DPP10: variants seen among roughly 807,000 people sequenced by gnomAD.
DPP10 encodes inactive dipeptidyl peptidase 10.
Under a neutral mutation model 120.9 loss-of-function variants are expected in DPP10, and 33 were observed. The ratio of observed to expected loss-of-function variants is 0.27; its 90% CI spans 0.21 to 0.37. The LOEUF is 0.37. Ranked by LOEUF, DPP10 falls within the 10% of genes least tolerant of loss-of-function variation. The pLI is 1.00. For synonymous variants in DPP10, 337 were observed against 326.1 expected (o/e 1.03, Z -0.36); for missense variants, 816 against 942.8 (o/e 0.87, Z 1.76).
chr2:115,064,738 T>C (rs1159339587), intron 1 of DPP10: 1 of 1,303,902 alleles, frequency 7.7e-7, no homozygotes, highest in Non-Finnish European at 1.0e-6. Flanking sequence ...TTGTAGAAAG[T>C]GGTTATAGTC....
At chr2:115,045,397 C>G (rs1704985737) in intron 1 of DPP10, among the ~76,000 whole-genome samples, 1 of 152,072 alleles carries the variant, frequency 6.6e-6, no homozygotes, top group African/African-American at 2.4e-5. Flanking sequence ...TTGAGGTAAT[C>G]TTATTTGGGT....
chr2:115,841,284 T>C (rs1009194023), intron 25 of DPP10, among the ~76,000 whole-genome samples: 3 of 152,024 alleles, frequency 2.0e-5, no homozygotes, highest in Non-Finnish European at 2.9e-5. Flanking sequence ...TGGGGAAATA[T>C]TACAAGAAAA....
intron 1 of DPP10, among the ~76,000 whole-genome samples, chr2:114,812,995 C>T (rs1232011801): frequency 1.3e-5 from 2 of 152,168 alleles, no homozygotes; most frequent in East Asian, 1.9e-4. Flanking sequence ...TACGTACATG[C>T]ATCACGTACA....
intron 1 of DPP10, among the ~76,000 whole-genome samples, chr2:114,742,835 T>C (rs1307788420): frequency 6.6e-6 from 1 of 152,216 alleles, no homozygotes; most frequent in African/African-American, 2.4e-5. Context: ...TTTAATACAT[T>C]AAAATCTCCT....
intron 1 of DPP10, among the ~76,000 whole-genome samples, chr2:114,614,822 T>A (rs1693557703): frequency 6.6e-6 from 1 of 152,180 alleles, no homozygotes; most frequent in Non-Finnish European, 1.5e-5. Flanking sequence ...GTCTATGAAA[T>A]TCCTTAATGA....
rs951690402 is a variant in DPP10 at position 115,620,544 on chromosome 2, A to G, written c.442-69143A>G. Among the ~76,000 whole-genome samples, 5 of 152,208 alleles carry G rather than the reference A, an allele frequency of 3.3e-5. No individual in the cohort carries two copies. In the South Asian group the frequency reaches 6.2e-4, roughly 19 times the overall value. On this transcript the variant is annotated intron_variant, in intron 5 of 25. Coordinates refer to ENST00000410059, the MANE Select transcript of DPP10 (RefSeq NM_020868.6). The stretch of plus-strand genomic sequence containing the variant: ...ATTTGTCATATTTTATGGAGAAACT[A>G]TAATTCTTACAAATCTCTACTAACA...
At chr2:114,725,689 C>A (rs1701998104) in intron 1 of DPP10, among the ~76,000 whole-genome samples, 1 of 152,168 alleles carries the variant, frequency 6.6e-6, no homozygotes, top group Non-Finnish European at 1.5e-5. Context: ...AAATAGTCCC[C>A]TAGAATAGAT....
chr2:115,480,118 A>T (rs1202331500), intron 3 of DPP10, among the ~76,000 whole-genome samples: 1 of 152,012 alleles, frequency 6.6e-6, no homozygotes, highest in African/African-American at 2.4e-5. Context: ...GCAGCTATTA[A>T]AATTTTCACT....
intron 1 of DPP10, among the ~76,000 whole-genome samples, chr2:114,783,201 A>T (rs999597674): frequency 6.6e-6 from 1 of 152,304 alleles, no homozygotes; most frequent in Middle Eastern, 3.4e-3. Flanking sequence ...CTTATTGGAA[A>T]TATAAAACTG....
At chr2:114,979,271 T>A (rs959757634) in intron 1 of DPP10, among the ~76,000 whole-genome samples, 32 of 152,078 alleles carry the variant, frequency 2.1e-4, no homozygotes, top group African/African-American at 6.7e-4. Flanking sequence ...TTCTATTTTT[T>A]AAAAAAATTT....
chr2:115,265,943 C>CA (rs397985556), intron 1 of DPP10, among the ~76,000 whole-genome samples: 887 of 78,222 alleles, frequency 0.011, 4 homozygotes, highest in African/African-American at 0.019. Flanking sequence ...GACTCTATTT[C>CA]AAAAAAAAAA....
intron 5 of DPP10, among the ~76,000 whole-genome samples, chr2:115,545,413 A>G (rs1029656900): frequency 6.6e-6 from 1 of 152,160 alleles, no homozygotes; most frequent in African/African-American, 2.4e-5. Flanking sequence ...ATTACAGAAC[A>G]TTAGAGCAAG....
chr2:115,021,726 C>A lies in DPP10; in HGVS notation c.61-287513C>A, dbSNP rs183103011. Among the ~76,000 whole-genome samples, 653 of 152,018 alleles carry A rather than the reference C, an allele frequency of 4.3e-3. 1 individual carries two copies. The highest frequency in any genetic ancestry group is 0.015 in the African/African-American group (629 of 41,508). On this transcript the variant is annotated intron_variant, in intron 1 of 25. Coordinates refer to ENST00000410059, the MANE Select transcript of DPP10 (RefSeq NM_020868.6). ...GTAACAAAAAAAGAAAACTTCAGAC[C>A]AATATCACTGATCAATGCAAAATCA... is the stretch of plus-strand genomic sequence containing the variant.
At chr2:115,536,821 A>G (rs938029533) in intron 5 of DPP10, among the ~76,000 whole-genome samples, 3 of 152,082 alleles carry the variant, frequency 2.0e-5, no homozygotes, top group Non-Finnish European at 4.4e-5. Flanking sequence ...TCTAAGCTCA[A>G]GTCATTGAGA....
chr2:115,837,670 T>A (rs529750396), intron 24 of DPP10, among the ~76,000 whole-genome samples: 1 of 152,282 alleles, frequency 6.6e-6, no homozygotes, highest in South Asian at 2.1e-4. Flanking sequence ...TTATTACTGT[T>A]ATTAAATGCC....
chr2:115,075,359 ATCAGTGTGTAAAGATACAG>A (rs1285806863), intron 1 of DPP10, among the ~76,000 whole-genome samples: 1 of 152,226 alleles, frequency 6.6e-6, no homozygotes, highest in African/African-American at 2.4e-5. Context: ...TAAAGGTACG[ATCAGTGTGTAAAGATACAG>A]TCAGTGTGTA....
intron 3 of DPP10, among the ~76,000 whole-genome samples, chr2:115,460,835 C>G (rs1181529533): frequency 6.6e-6 from 1 of 152,194 alleles, no homozygotes; most frequent in Non-Finnish European, 1.5e-5. Flanking sequence ...CTGATCACAA[C>G]ATATTGCCTG....
intron 1 of DPP10, among the ~76,000 whole-genome samples, chr2:115,166,524 A>AAT (rs561639756): frequency 4.9e-5 from 7 of 142,138 alleles, no homozygotes; most frequent in Non-Finnish European, 7.7e-5. Flanking sequence ...TTATAATATA[A>AAT]ATATATATAT....
At chr2:114,719,061 A>G (rs1485542691) in intron 1 of DPP10, among the ~76,000 whole-genome samples, 2 of 152,208 alleles carry the variant, frequency 1.3e-5, no homozygotes, top group South Asian at 2.1e-4. Context: ...TGGTTGATGT[A>G]TTATTTTCAT....
Sources: allele counts gnomAD v4.1 joint callset (sites outside exome capture counted in the v4.1 genomes callset), GRCh38; gene constraint gnomAD v4.1.1; transcripts MANE v1.5; gene names NCBI Gene and HGNC (gene_info 2026-07-23, HGNC 2026-07-21).